The following SLC24A4 variants were observed in gnomAD, a reference collection of about 807,000 sequenced individuals.
SLC24A4 encodes solute carrier family 24 member 4.
In SLC24A4, 53 loss-of-function variants were observed where a neutral mutation model predicts 79.0. The observed-to-expected ratio is 0.67, with a 90% CI of 0.54 to 0.84. The LOEUF is 0.84. Among genes scored for constraint, SLC24A4 ranks in the 40% least tolerant of loss-of-function variants. The pLI is 0.00. For missense variants in SLC24A4, 731 were observed against 822.0 expected, an observed-to-expected ratio of 0.89 and a Z score of 1.35; for synonymous variants, 323 against 323.8, an observed-to-expected ratio of 1.00 and a Z score of 0.03.
In SLC24A4 at chr14:92,351,812, C is replaced by T. The variant is rs146259863; in HGVS notation, c.241+25834C>T. 5.2e-3 allele frequency among the ~76,000 whole-genome samples: 791 copies of T among 151,570 alleles called. 8 individuals carry two copies. Among genetic ancestry groups the T allele is most frequent in the African/African-American group, 0.017 (692 of 41,260 alleles). On this transcript the variant is annotated intron_variant, in intron 2 of 16. Coordinates refer to ENST00000532405, the MANE Select transcript of SLC24A4 (RefSeq NM_153646.4). ...CCAGGAAGCAGAGGTTGCAGTGAGCCGAGACTGCACCACTGTACTCCAGCC... is the reference window on the plus strand; with the variant it reads ...CCAGGAAGCAGAGGTTGCAGTGAGCTGAGACTGCACCACTGTACTCCAGCC...
intron 12 of SLC24A4, among the ~76,000 whole-genome samples, chr14:92,457,795 G>A (rs1321174192): frequency 6.6e-6 from 1 of 152,222 alleles, no homozygotes; most frequent in African/African-American, 2.4e-5. Flanking sequence ...TTCAAGTCCA[G>A]AACTTGATGT....
intron 2 of SLC24A4, among the ~76,000 whole-genome samples, chr14:92,429,108 A>C (rs1891722281): frequency 6.6e-6 from 1 of 152,080 alleles, no homozygotes; most frequent in South Asian, 2.1e-4. Context: ...TTTCTGCACA[A>C]GATGTTATTG....
At chr14:92,388,913 G>A (rs939057130) in intron 2 of SLC24A4, among the ~76,000 whole-genome samples, 2 of 152,202 alleles carry the variant, frequency 1.3e-5, no homozygotes, top group Admixed American at 1.3e-4. Flanking sequence ...GGCCTCTGGG[G>A]CCCTAGAACC....
intron 12 of SLC24A4, among the ~76,000 whole-genome samples, chr14:92,456,974 T>C (rs572676739): frequency 2.0e-5 from 3 of 152,346 alleles, no homozygotes; most frequent in Admixed American, 2.0e-4. Context: ...ATTCTTGCAC[T>C]CTCTTGGCCC....
At chr14:92,422,835 C>T (rs1159931412) in intron 2 of SLC24A4, among the ~76,000 whole-genome samples, 2 of 152,116 alleles carry the variant, frequency 1.3e-5, no homozygotes, top group African/African-American at 2.4e-5. Context: ...TCATTTATTG[C>T]GACAGGGTCT....
chr14:92,393,671 G>A (rs765886043), intron 2 of SLC24A4, among the ~76,000 whole-genome samples: 23 of 147,892 alleles, frequency 1.6e-4, no homozygotes, highest in Non-Finnish European at 3.0e-4. Context: ...TGCCTTCTGA[G>A]TAGCTGGGAC....
chr14:92,481,410 T>G (rs1330931747), intron 12 of SLC24A4, among the ~76,000 whole-genome samples: 1 of 152,204 alleles, frequency 6.6e-6, no homozygotes. Flanking sequence ...CACCTCCAAG[T>G]AAAAAGCTAT....
intron 11 of SLC24A4, 134 bp downstream of exon 11, chr14:92,454,203 C>A: frequency 2.3e-6 from 2 of 865,246 alleles, no homozygotes; most frequent in Non-Finnish European, 3.5e-6. Flanking sequence ...CAGAAGCCTG[C>A]CCATCAGCCA....
chr14:92,454,018 G>A lies in SLC24A4; in HGVS notation c.999G>A (p.Lys333=). 3 of 1,613,742 alleles carry A rather than the reference G, an allele frequency of 1.9e-6. No homozygotes were observed. The highest frequency in any genetic ancestry group is 2.5e-6 in the Non-Finnish European group (3 of 1,179,820). The stretch of plus-strand genomic sequence containing the variant: ...GCTTACGAATCATGATCACCAATAA[G>A]TTTGGACCCAGGACCCGACTACGGA... ...EAGLRIMITN[K]FGPRTRLRMA... is the part of the protein sequence containing the mutation. Residue 333 remains lysine (K), a synonymous_variant, in exon 11 of 17, where the codon AAG becomes AAA. Transcript: ENST00000532405.
At chr14:92,330,518 T>C (rs898569396) in intron 2 of SLC24A4, among the ~76,000 whole-genome samples, 3 of 152,158 alleles carry the variant, frequency 2.0e-5, no homozygotes, top group African/African-American at 4.8e-5. Flanking sequence ...CCATGCCACA[T>C]GTATGATGTA....
intron 2 of SLC24A4, among the ~76,000 whole-genome samples, chr14:92,378,526 T>C (rs190560367): frequency 2.8e-4 from 43 of 152,338 alleles, no homozygotes; most frequent in Non-Finnish European, 3.5e-4. Context: ...CTGCTTAACA[T>C]CTTCTCCACC....
Position 92,325,879 on chromosome 14 carries a change from G to T in SLC24A4, c.142G>T (p.Ala48Ser), listed in dbSNP as rs1885095757. The T allele has an allele frequency of 6.2e-7, 1 of 1,608,866 alleles. No homozygotes were observed. The highest frequency in any genetic ancestry group is 1.3e-5 in the African/African-American group (1 of 74,986). ...ATTTTCCAATCCAGGGCACAAAACA[G>T]CTTCTGCTAGCAAACGTGTCCTGCC... ...GLFGSLGHKT[A>S]SASKRVLPDT... The change falls in exon 2 of 17, where the codon GCT (alanine) becomes TCT (serine). Residue 48 changes from alanine to serine, a missense_variant. By Grantham distance (99) the Ala-to-Ser change is moderately conservative. Coordinates refer to ENST00000532405, the MANE Select transcript of SLC24A4 (RefSeq NM_153646.4).
At chr14:92,420,834 C>T (rs756269734) in intron 2 of SLC24A4, among the ~76,000 whole-genome samples, 1 of 152,132 alleles carries the variant, frequency 6.6e-6, no homozygotes, top group East Asian at 1.9e-4. Flanking sequence ...GGGGCCTGTC[C>T]CTGAGTAAAT....
chr14:92,414,755 G>A (rs958201486), intron 2 of SLC24A4, among the ~76,000 whole-genome samples: 29 of 152,116 alleles, frequency 1.9e-4, no homozygotes, highest in Admixed American at 1.8e-3. Flanking sequence ...CAGAAAAAAG[G>A]AAAACAATCA....
intron 2 of SLC24A4, among the ~76,000 whole-genome samples, chr14:92,374,450 G>A (rs1888385814): frequency 6.6e-6 from 1 of 152,210 alleles, no homozygotes; most frequent in African/African-American, 2.4e-5. Context: ...GCGGAGTAAA[G>A]TCACAAAGCT....
At chr14:92,400,985 C>G (rs1321375921) in intron 2 of SLC24A4, among the ~76,000 whole-genome samples, 1 of 152,104 alleles carries the variant, frequency 6.6e-6, no homozygotes, top group East Asian at 1.9e-4. Context: ...AGAGTGAAAG[C>G]TGAAGTGAAA....
At chr14:92,433,713 CTT>C (rs1892002351) in intron 2 of SLC24A4, among the ~76,000 whole-genome samples, 197 bp from the exon 3 acceptor site, 1 of 152,196 alleles carries the variant, frequency 6.6e-6, no homozygotes, top group African/African-American at 2.4e-5. Flanking sequence ...GCTGGAATAT[CTT>C]TGCATAATCC....
At chr14:92,466,307 G>A (rs188544652) in intron 12 of SLC24A4, among the ~76,000 whole-genome samples, 1 of 152,322 alleles carries the variant, frequency 6.6e-6, no homozygotes, top group Non-Finnish European at 1.5e-5. Flanking sequence ...TTCTAAACAC[G>A]TCATGTTTGT....
intron 13 of SLC24A4, chr14:92,484,375 G>A: frequency 1.0e-6 from 1 of 985,306 alleles, no homozygotes. Flanking sequence ...GCCTCCCCAA[G>A]ACACCAGCTG....
Sources: allele counts gnomAD v4.1 joint callset (sites outside exome capture counted in the v4.1 genomes callset), GRCh38; gene constraint gnomAD v4.1.1; transcripts MANE v1.5; gene names NCBI Gene and HGNC (gene_info 2026-07-23, HGNC 2026-07-21).